The following NALF1 variants were observed in gnomAD, a reference collection of about 807,000 sequenced individuals.
The protein encoded by NALF1 is family with sequence similarity 155 member A.
In NALF1, 3 loss-of-function variants were observed where a neutral mutation model predicts 48.4. The observed-to-expected ratio is 0.06, with a 90% CI of 0.03 to 0.16. The LOEUF is 0.16. Ranked by LOEUF, NALF1 falls within the 10% of genes least tolerant of loss-of-function variation. NALF1 has a pLI of 1.00. For synonymous variants in NALF1, 262 were observed against 245.7 expected (o/e 1.07, Z -0.62); for missense variants, 526 against 571.5 (o/e 0.92, Z 0.81).
At chr13:107,481,728 G>C (rs1885256823) in intron 1 of NALF1, among the ~76,000 whole-genome samples, 1 of 152,058 alleles carries the variant, frequency 6.6e-6, no homozygotes, top group Non-Finnish European at 1.5e-5. Context: ...AGGGTGAAGT[G>C]GGTGCATCTA....
chr13:107,814,935 A>G (rs1256850641), intron 1 of NALF1, among the ~76,000 whole-genome samples: 1 of 152,150 alleles, frequency 6.6e-6, no homozygotes, highest in Non-Finnish European at 1.5e-5. Context: ...GGCATAAAAC[A>G]GAATCCAATA....
At chr13:107,758,306 A>G (rs1476957696) in intron 1 of NALF1, among the ~76,000 whole-genome samples, 1 of 152,250 alleles carries the variant, frequency 6.6e-6, no homozygotes, top group African/African-American at 2.4e-5. Flanking sequence ...TTATCCATGT[A>G]TGTATTCCCA....
intron 1 of NALF1, among the ~76,000 whole-genome samples, chr13:107,609,444 T>A (rs1192462147): frequency 2.6e-5 from 4 of 152,162 alleles, no homozygotes; most frequent in Admixed American, 2.0e-4. Context: ...ACCTCTGGGA[T>A]CTCAGTGAAG....
chr13:107,840,472 G>A (rs1387384718), intron 1 of NALF1, among the ~76,000 whole-genome samples: 1 of 152,194 alleles, frequency 6.6e-6, no homozygotes, highest in Non-Finnish European at 1.5e-5. Flanking sequence ...GGTGTCTGCT[G>A]GAGCTCCTGA....
chr13:107,781,262 T>C (rs912741167), intron 1 of NALF1, among the ~76,000 whole-genome samples: 3 of 152,220 alleles, frequency 2.0e-5, no homozygotes, highest in Non-Finnish European at 4.4e-5. Flanking sequence ...TTAATAAATC[T>C]TTAACATACT....
chr13:107,404,970 C>T (rs187034113), intron 1 of NALF1, among the ~76,000 whole-genome samples: 300 of 152,162 alleles, frequency 2.0e-3, no homozygotes, highest in Non-Finnish European at 3.2e-3. Context: ...ATAAAGCACC[C>T]TGTGTATGCA....
intron 1 of NALF1, among the ~76,000 whole-genome samples, chr13:107,792,977 T>C (rs946092757): frequency 6.6e-6 from 1 of 152,158 alleles, no homozygotes; most frequent in African/African-American, 2.4e-5. Flanking sequence ...CTGGCCTCTT[T>C]TTGATTCTGT....
intron 1 of NALF1, among the ~76,000 whole-genome samples, chr13:107,561,367 G>T (rs952601984): frequency 5.3e-5 from 8 of 152,162 alleles, no homozygotes; most frequent in Non-Finnish European, 1.2e-4. Flanking sequence ...AAGGCCAAAA[G>T]TAAGTTATTT....
chr13:107,723,820 T>G (rs187604782), intron 1 of NALF1, among the ~76,000 whole-genome samples: 91 of 152,338 alleles, frequency 6.0e-4, no homozygotes, highest in African/African-American at 2.0e-3. Context: ...AACTTTTACC[T>G]AATTTTTTCT....
chr13:107,653,019 G>A lies in NALF1; in HGVS notation c.915+212663C>T, dbSNP rs116647258. ...CAAAAATGTTTCAACAAAGATACAC[G>A]GGGGTTGAAGGACACTTCATTCATA... is the stretch of plus-strand genomic sequence containing the variant. On this transcript the variant is annotated intron_variant, in intron 1 of 2. Transcript: ENST00000375915. 5.5e-3 allele frequency among the ~76,000 whole-genome samples: 834 copies of A among 152,148 alleles called. 11 individuals are homozygous for A. Among genetic ancestry groups the A allele is most frequent in the African/African-American group, 0.019 (790 of 41,514 alleles).
intron 1 of NALF1, among the ~76,000 whole-genome samples, chr13:107,810,900 C>T (rs1283662430): frequency 6.6e-6 from 1 of 152,134 alleles, no homozygotes; most frequent in African/African-American, 2.4e-5. Context: ...CTATTCTGTC[C>T]TCTTCTCTAG....
intron 1 of NALF1, among the ~76,000 whole-genome samples, chr13:107,454,056 T>C (rs1015952798): frequency 2.6e-5 from 4 of 152,180 alleles, no homozygotes; most frequent in Admixed American, 6.5e-5. Context: ...ATTGTCCATT[T>C]CACTATCAGC....
intron 1 of NALF1, among the ~76,000 whole-genome samples, chr13:107,514,283 G>A (rs1347816778): frequency 1.3e-5 from 2 of 152,098 alleles, no homozygotes; most frequent in African/African-American, 4.8e-5. Context: ...TATGGAAGCT[G>A]AGAAAAAAAT....
chr13:107,232,830 G>C (rs1880255707), intron 1 of NALF1, among the ~76,000 whole-genome samples: 1 of 152,152 alleles, frequency 6.6e-6, no homozygotes, highest in African/African-American at 2.4e-5. Flanking sequence ...TTCAGTGATT[G>C]TTCCAGAAGC....
At chr13:107,804,708 A>T (rs996608333) in intron 1 of NALF1, among the ~76,000 whole-genome samples, 1 of 152,218 alleles carries the variant, frequency 6.6e-6, no homozygotes, top group Non-Finnish European at 1.5e-5. Flanking sequence ...TGGACATATC[A>T]GCCATTTTGA....
intron 1 of NALF1, among the ~76,000 whole-genome samples, chr13:107,625,865 G>A (rs934587475): frequency 1.3e-5 from 2 of 151,996 alleles, no homozygotes; most frequent in Non-Finnish European, 1.5e-5. Context: ...CAGGTTGTTC[G>A]GGCAATGTAG....
chr13:107,542,699 T>C (rs1213103311), intron 1 of NALF1, among the ~76,000 whole-genome samples: 1 of 152,116 alleles, frequency 6.6e-6, no homozygotes, highest in Non-Finnish European at 1.5e-5. Flanking sequence ...ATTAAAACAA[T>C]ACGTTAGTAG....
chr13:107,840,272 G>A (rs1880008047), intron 1 of NALF1, among the ~76,000 whole-genome samples: 1 of 152,152 alleles, frequency 6.6e-6, no homozygotes, highest in Non-Finnish European at 1.5e-5. Flanking sequence ...AGAGTATGTA[G>A]GTCAGGGTTA....
intron 1 of NALF1, among the ~76,000 whole-genome samples, chr13:107,525,263 T>G (rs936783099): frequency 6.6e-6 from 1 of 152,084 alleles, no homozygotes; most frequent in African/African-American, 2.4e-5. Context: ...ACAATCCACT[T>G]ACTGTCACAC....
Sources: allele counts gnomAD v4.1 joint callset (sites outside exome capture counted in the v4.1 genomes callset), GRCh38; gene constraint gnomAD v4.1.1; transcripts MANE v1.5; gene names NCBI Gene and HGNC (gene_info 2026-07-23, HGNC 2026-07-21).